TLN2: variants seen among roughly 807,000 people sequenced by gnomAD.
TLN2 encodes talin 2.
Under a neutral mutation model 294.7 loss-of-function variants are expected in TLN2, and 118 were observed. That is an observed-to-expected ratio of 0.40 (90% CI 0.34 to 0.47). TLN2 has a LOEUF of 0.47. Ranked by LOEUF, TLN2 falls within the 20% of genes least tolerant of loss-of-function variation. TLN2 has a pLI of 0.84. For missense variants in TLN2, 3,083 were observed against 3,282.2 expected, an observed-to-expected ratio of 0.94 and a Z score of 1.48; for synonymous variants, 1,431 against 1,304.5, an observed-to-expected ratio of 1.10 and a Z score of -2.09.
chr15:62,461,645 A>G (rs981639559), intron 1 of TLN2, among the ~76,000 whole-genome samples: 3 of 152,242 alleles, frequency 2.0e-5, no homozygotes, highest in Non-Finnish European at 4.4e-5. Context: ...AGCAGAAATA[A>G]GACAAGCAAG....
intron 1 of TLN2, chr15:62,561,442 GA>G (rs1410780618): frequency 6.6e-6 from 1 of 152,246 alleles, no homozygotes; most frequent in Non-Finnish European, 1.5e-5. Flanking sequence ...GAATAATTAA[GA>G]TGCCTTCTTT....
intron 57 of TLN2, among the ~76,000 whole-genome samples, chr15:62,836,514 G>A (rs2069618760): frequency 6.6e-6 from 1 of 152,184 alleles, no homozygotes; most frequent in Admixed American, 6.5e-5. Flanking sequence ...CTTCATCTGT[G>A]CCTCTCTCAT....
intron 5 of TLN2, among the ~76,000 whole-genome samples, chr15:62,650,391 T>TTTTTTTTA (rs1189482998): frequency 6.6e-6 from 1 of 152,202 alleles, no homozygotes; most frequent in African/African-American, 2.4e-5. Flanking sequence ...AGTTCGAGGT[T>TTTTTTTTA]AGTATTTTAA....
At position 62,833,205 on chromosome 15, in the gene TLN2, A is replaced by G. The variant is rs773030422; in HGVS notation, c.7003-299A>G. ...TTGTGTTATATATATTGTACCACACATACAAAGAAAACTATTGCTGTGCCT... is the reference window on the plus strand; with the variant it reads ...TTGTGTTATATATATTGTACCACACGTACAAAGAAAACTATTGCTGTGCCT... On this transcript the variant is annotated intron_variant, in intron 54 of 58. Transcript: ENST00000636159. 5.3e-5 allele frequency: 17 copies of G among 320,564 alleles called. 1 individual carries two copies. Among genetic ancestry groups the G allele is most frequent in the African/African-American group, 1.3e-4 (6 of 47,484 alleles). The allele number at this position is 320,564 out of a possible 1,614,324, so 19.9% of individuals were successfully genotyped here.
intron 50 of TLN2, among the ~76,000 whole-genome samples, chr15:62,803,122 C>T (rs1257273541): frequency 1.3e-5 from 2 of 152,000 alleles, no homozygotes; most frequent in Non-Finnish European, 2.9e-5. Context: ...TTTTTTCCTT[C>T]AGGACTTTAA....
At chr15:62,447,405 A>G (rs1342440082) in intron 1 of TLN2, among the ~76,000 whole-genome samples, 2 of 151,932 alleles carry the variant, frequency 1.3e-5, no homozygotes, top group Non-Finnish European at 2.9e-5. Context: ...AGACAAGTGA[A>G]TGGAATGGAG....
intron 5 of TLN2, among the ~76,000 whole-genome samples, chr15:62,650,946 C>T (rs973421536): frequency 2.6e-5 from 4 of 152,166 alleles, no homozygotes; most frequent in Non-Finnish European, 5.9e-5. Context: ...TTTTAACACA[C>T]TCTTTTGAAA....
intron 14 of TLN2, among the ~76,000 whole-genome samples, chr15:62,695,081 T>A (rs28524115): frequency 0.096 from 14,541 of 152,230 alleles, 1,402 homozygotes; most frequent in African/African-American, 0.25. Context: ...GATCATTGTT[T>A]TAAATTCATG....
intron 3 of TLN2, among the ~76,000 whole-genome samples, chr15:62,623,057 G>C (rs556190812): frequency 2.4e-3 from 370 of 152,328 alleles, no homozygotes; most frequent in Non-Finnish European, 3.9e-3. Flanking sequence ...AGTCCTCATG[G>C]TGTAGTCACT....
At chr15:62,840,460 C>T in intron 58 of TLN2, 22 bp from the exon 59 acceptor site, 1 of 1,613,570 alleles carries the variant, frequency 6.2e-7, no homozygotes, top group Non-Finnish European at 8.5e-7. Flanking sequence ...TAGGTCCATC[C>T]AGCTTGTTGC....
chr15:62,694,239 A>G (rs1170424840), intron 13 of TLN2, 77 bp from the exon 14 acceptor site: 1 of 1,345,726 alleles, frequency 7.4e-7, no homozygotes, highest in Non-Finnish European at 1.1e-6. Flanking sequence ...AGCCTCCCAA[A>G]GTGCTGGGAT....
chr15:62,403,759 G>A (rs753386173), intron 1 of TLN2, among the ~76,000 whole-genome samples: 21 of 152,270 alleles, frequency 1.4e-4, no homozygotes, highest in Non-Finnish European at 2.1e-4. Flanking sequence ...AGTTGGGGGC[G>A]CTCTCTCACC....
chr15:62,805,911 C>G (rs956266041), intron 51 of TLN2, 126 bp downstream of exon 51: 1 of 1,049,562 alleles, frequency 9.5e-7, no homozygotes, highest in Non-Finnish European at 1.3e-6. Context: ...CACACAGGGC[C>G]AGGGGTAGTG....
At chr15:62,412,124 A>T (rs1358675940) in intron 1 of TLN2, among the ~76,000 whole-genome samples, 1 of 152,196 alleles carries the variant, frequency 6.6e-6, no homozygotes, top group Non-Finnish European at 1.5e-5. Context: ...CAGCAATTTC[A>T]GCATCACCTG....
At position 62,686,722 on chromosome 15, in the gene TLN2, A is replaced by AC; in HGVS notation, c.1041dup (p.Lys348GlnfsTer53). ...CTCGGTGATGCGCGTGGATGAGAAG[A>AC]CCAAGGAAGTGCTGCAGGAGTGGCC... On this transcript the variant is annotated frameshift_variant, in exon 12 of 59. Coordinates refer to ENST00000636159, the MANE Select transcript of TLN2 (RefSeq NM_015059.3). LOFTEE classifies it high-confidence loss of function. The AC allele has an allele frequency of 6.2e-7, 1 of 1,613,986 alleles. No individual in the cohort carries two copies. Among genetic ancestry groups the AC allele is most frequent in the Non-Finnish European group, 8.5e-7 (1 of 1,179,928 alleles).
At chr15:62,825,844 T>TTATAATA (rs386383242) in intron 54 of TLN2, among the ~76,000 whole-genome samples, 2 of 77,722 alleles carry the variant, frequency 2.6e-5, no homozygotes, top group African/African-American at 1.5e-4. Context: ...ATAATATATA[T>TTATAATA]AAATATATTA....
chr15:62,798,263 C>G (rs943741599), intron 48 of TLN2, among the ~76,000 whole-genome samples: 3 of 152,082 alleles, frequency 2.0e-5, no homozygotes, highest in Non-Finnish European at 4.4e-5. Context: ...AACTGGAAGG[C>G]TAGGGAAGGG....
At chr15:62,729,771 TC>T (rs1196508823) in intron 28 of TLN2, among the ~76,000 whole-genome samples, 2 of 152,092 alleles carry the variant, frequency 1.3e-5, no homozygotes, top group Non-Finnish European at 2.9e-5. Flanking sequence ...GGGGTTCGAG[TC>T]TATCATCTTA....
At chr15:62,608,285 G>A (rs568802153) in intron 2 of TLN2, among the ~76,000 whole-genome samples, 29 of 152,252 alleles carry the variant, frequency 1.9e-4, no homozygotes, top group African/African-American at 6.5e-4. Context: ...AATGGATTTT[G>A]GAATATCTAA....
Sources: allele counts gnomAD v4.1 joint callset (sites outside exome capture counted in the v4.1 genomes callset), GRCh38; gene constraint gnomAD v4.1.1; transcripts MANE v1.5; gene names NCBI Gene and HGNC (gene_info 2026-07-23, HGNC 2026-07-21).